The following NDUFB7 variants were observed in gnomAD, a reference collection of about 807,000 sequenced individuals.
The protein encoded by NDUFB7 is NADH:ubiquinone oxidoreductase subunit B7.
A neutral mutation model predicts 14.7 loss-of-function variants in NDUFB7; 18 were observed. The ratio of observed to expected loss-of-function variants is 1.22; its 90% CI spans 0.85 to 1.81. NDUFB7 has a LOEUF of 1.81. NDUFB7 is among the 40% of genes most tolerant of loss of function. NDUFB7 has a pLI of 0.00. For synonymous variants in NDUFB7, 86 were observed against 76.1 expected (o/e 1.13, Z -0.68); for missense variants, 219 against 195.0 (o/e 1.12, Z -0.73).
At position 14,566,277 on chromosome 19, in the gene NDUFB7, G is replaced by A; in HGVS notation, c.282-12C>T. The stretch of plus-strand genomic sequence containing the variant: ...TGCGCATCACATAGCTGGGGGAAAA[G>A]CACGAGAGGGGCTGTCAGGGTCCCT... On this transcript the variant is annotated splice_polypyrimidine_tract_variant and intron_variant, in intron 2 of 2. Coordinates refer to ENST00000215565, the MANE Select transcript of NDUFB7 (RefSeq NM_004146.6). The A allele has an allele frequency of 1.2e-6, 2 of 1,613,748 alleles. No homozygotes were observed. Among genetic ancestry groups the A allele is most frequent in the Non-Finnish European group, 1.7e-6 (2 of 1,180,008 alleles).
intron 1 of NDUFB7, among the ~76,000 whole-genome samples, chr19:14,571,338 G>A (rs2074123905): frequency 1.3e-5 from 2 of 151,978 alleles, no homozygotes; most frequent in Admixed American, 1.3e-4. Context: ...ACTGACTTCT[G>A]CGATCCCAGC....
rs758082395 is a variant in NDUFB7, at chr19:14,566,083, G to A, written c.*50C>T. 2.0e-5 allele frequency: 32 copies of A among 1,573,874 alleles called. No homozygotes were observed. In the Admixed American group the frequency reaches 4.8e-4, roughly 24 times the overall value. On this transcript the variant is annotated 3_prime_UTR_variant, in exon 3 of 3. Transcript: ENST00000215565. ...GCAGTAAGAGGGGACTCTGGTTGAG[G>A]GGCCTGAAGGCTTTTATTTGACTGG...
At position 14,567,860 on chromosome 19, in the gene NDUFB7, C is replaced by T. The variant is rs1274197393; in HGVS notation, c.113-927G>A. Among the ~76,000 whole-genome samples, 1 of 152,186 alleles carries T rather than the reference C, an allele frequency of 6.6e-6. No homozygotes were observed. The highest frequency in any genetic ancestry group is 2.4e-5 in the African/African-American group (1 of 41,446). On this transcript the variant is annotated intron_variant, in intron 1 of 2. Transcript: ENST00000215565. This position sits in a 1 kb window ranked among gnomAD's most constrained non-coding sequence, Gnocchi z 5.1. ...GAGGCCCAGGTCCTCCTCTCCTGCC[C>T]CTTGTCCCATTCCCTGGCTTCTGCC...
In NDUFB7 at chr19:14,572,024, G is replaced by A. The variant is rs763511127; in HGVS notation, c.-24C>T. Reference sequence around the variant, plus strand: ...ATGGCTGCAGTCGCTGCAGATCCCTGCAGCAGCCGAGGGTCACCTAGCTCC... The same window carrying A: ...ATGGCTGCAGTCGCTGCAGATCCCTACAGCAGCCGAGGGTCACCTAGCTCC... On this transcript the variant is annotated 5_prime_UTR_variant, in exon 1 of 3. Coordinates refer to ENST00000215565, the MANE Select transcript of NDUFB7 (RefSeq NM_004146.6). 2.6e-6 allele frequency: 4 copies of A among 1,554,132 alleles called. No individual in the cohort carries two copies. The highest frequency in any genetic ancestry group is 1.4e-5 in the African/African-American group (1 of 73,760).
At chr19:14,569,873 G>A (rs1273458331) in intron 1 of NDUFB7, among the ~76,000 whole-genome samples, 2 of 152,108 alleles carry the variant, frequency 1.3e-5, no homozygotes, top group Non-Finnish European at 2.9e-5. Context: ...CCCTACTCAT[G>A]CCCCTTCACA....
At chr19:14,571,156 C>T (rs1342829474) in intron 1 of NDUFB7, among the ~76,000 whole-genome samples, 1 of 152,090 alleles carries the variant, frequency 6.6e-6, no homozygotes, top group Non-Finnish European at 1.5e-5. Context: ...GATCCCGTCT[C>T]AAAGCAAAAC....
chr19:14,568,657 G>A (rs577265771), intron 1 of NDUFB7, among the ~76,000 whole-genome samples: 2 of 152,304 alleles, frequency 1.3e-5, no homozygotes, highest in South Asian at 2.1e-4. Context: ...GCACCACAGC[G>A]TGTCTGGCAG....
rs2074095245 is a variant in NDUFB7, at chr19:14,567,041, T to TC, written c.113-109dup. The TC allele has an allele frequency of 8.7e-7, 1 of 1,156,056 alleles. No individual in the cohort carries two copies. 71.6% of individuals were successfully genotyped at this position (1,156,056 alleles called of 1,614,324 possible). On this transcript the variant is annotated intron_variant, in intron 1 of 2. Transcript: ENST00000215565. The surrounding 1 kb of genome is among the most constrained non-coding windows in gnomAD (Gnocchi z 5.1). ...CTTCAGGAAGGCACGGCTTGGGGTGTCCCCCATTCACATCCAGATGGCAGT... is the reference window on the plus strand; with the variant it reads ...CTTCAGGAAGGCACGGCTTGGGGTGTCCCCCCATTCACATCCAGATGGCAGT...
chr19:14,567,843 G>A lies in NDUFB7; in HGVS notation c.113-910C>T, dbSNP rs2146642440. Among the ~76,000 whole-genome samples the A allele has an allele frequency of 6.6e-6, 1 of 152,228 alleles. No individual in the cohort carries two copies. Among genetic ancestry groups the A allele is most frequent in the African/African-American group, 2.4e-5 (1 of 41,538 alleles). On this transcript the variant is annotated intron_variant, in intron 1 of 2. Transcript: ENST00000215565. This position sits in a 1 kb window ranked among gnomAD's most constrained non-coding sequence, Gnocchi z 5.1. Reference sequence around the variant, plus strand: ...GATTCTCTCATCCCACTGAGGCCCAGGTCCTCCTCTCCTGCCCCTTGTCCC... The same window carrying A: ...GATTCTCTCATCCCACTGAGGCCCAAGTCCTCCTCTCCTGCCCCTTGTCCC...
At chr19:14,569,709 A>T (rs568537410) in intron 1 of NDUFB7, among the ~76,000 whole-genome samples, 1 of 152,206 alleles carries the variant, frequency 6.6e-6, no homozygotes, top group East Asian at 1.9e-4. Flanking sequence ...TGATTATACC[A>T]TCTCCCAACT....
chr19:14,566,858 AGGT>A lies in NDUFB7; in HGVS notation c.185_187del (p.His62del). On this transcript the variant is annotated inframe_deletion, in exon 2 of 3. Coordinates refer to ENST00000215565, the MANE Select transcript of NDUFB7 (RefSeq NM_004146.6). ...ACGCTTGCACTTGAGCAGCCGGATG[AGGT>A]GGTGGGCGCAGTAGTCCCGCAGCTG... 1.3e-6 allele frequency: 2 copies of A among 1,570,692 alleles called. No homozygotes were observed. Among genetic ancestry groups the A allele is most frequent in the South Asian group, 1.2e-5 (1 of 86,034 alleles).
At position 14,566,231 on chromosome 19, in the gene NDUFB7, G is replaced by C. The variant is rs3752220; in HGVS notation, c.316C>G (p.Arg106Gly). Residue 106 changes from arginine to glycine, a missense_variant, in exon 3 of 3, where the codon CGG becomes GGG. Transcript: ENST00000215565. ...CGCTTCTTCCGCTGGAGCAGCCTCCGCTCCCGCTCAAACTCCTTCATGCGC... is the reference window on the plus strand; with the variant it reads ...CGCTTCTTCCGCTGGAGCAGCCTCCCCTCCCGCTCAAACTCCTTCATGCGC... Reference protein sequence around the residue: ...VMRMKEFERERRLLQRKKRRE... With the variant: ...VMRMKEFEREGRLLQRKKRRE... 367 of 1,614,054 alleles carry C rather than the reference G, an allele frequency of 2.3e-4. No individual in the cohort carries two copies. The East Asian group carries it at 7.9e-3, about 35-fold the overall frequency.
chr19:14,566,938 A>G lies in NDUFB7; in HGVS notation c.113-5T>C. 6.3e-7 allele frequency: 1 copy of G among 1,577,372 alleles called. No homozygotes were observed. The highest frequency in any genetic ancestry group is 8.6e-7 in the Non-Finnish European group (1 of 1,166,268). On this transcript the variant is annotated splice_region_variant and splice_polypyrimidine_tract_variant and intron_variant, in intron 1 of 2. Coordinates refer to ENST00000215565, the MANE Select transcript of NDUFB7 (RefSeq NM_004146.6). ...CCTGCTGTGTGGCCACCATCTCTGCAGGGAGTGGGCGGGGCTCAACCAGGC... is the reference window on the plus strand; with the variant it reads ...CCTGCTGTGTGGCCACCATCTCTGCGGGGAGTGGGCGGGGCTCAACCAGGC...
chr19:14,567,842 A>G lies in NDUFB7; in HGVS notation c.113-909T>C, dbSNP rs2074102363. 6.6e-6 allele frequency among the ~76,000 whole-genome samples: 1 copy of G among 152,058 alleles called. No individual in the cohort carries two copies. The highest frequency in any genetic ancestry group is 6.6e-5 in the Admixed American group (1 of 15,254). On this transcript the variant is annotated intron_variant, in intron 1 of 2. Coordinates refer to ENST00000215565, the MANE Select transcript of NDUFB7 (RefSeq NM_004146.6). This position sits in a 1 kb window ranked among gnomAD's most constrained non-coding sequence, Gnocchi z 5.1. ...CGATTCTCTCATCCCACTGAGGCCCAGGTCCTCCTCTCCTGCCCCTTGTCC... is the reference window on the plus strand; with the variant it reads ...CGATTCTCTCATCCCACTGAGGCCCGGGTCCTCCTCTCCTGCCCCTTGTCC...
At chr19:14,568,583 C>G (rs902802910) in intron 1 of NDUFB7, among the ~76,000 whole-genome samples, 1 of 152,150 alleles carries the variant, frequency 6.6e-6, no homozygotes, top group Non-Finnish European at 1.5e-5. Context: ...GGGGATACAG[C>G]AGGCAACACA....
chr19:14,568,384 A>C (rs1007315115), intron 1 of NDUFB7, among the ~76,000 whole-genome samples: 1 of 152,052 alleles, frequency 6.6e-6, no homozygotes, highest in African/African-American at 2.4e-5. Flanking sequence ...TATGTAGATG[A>C]GCCCGATGTG....
chr19:14,566,990 G>A, intron 1 of NDUFB7, 57 bp from the exon 2 acceptor site: 1 of 1,504,268 alleles, frequency 6.6e-7, no homozygotes, highest in Non-Finnish European at 8.9e-7. Flanking sequence ...CAATTCCGGG[G>A]ATCCCCAGGG....
Position 14,567,001 on chromosome 19 carries a change from G to T in NDUFB7, c.113-68C>A. On this transcript the variant is annotated intron_variant, in intron 1 of 2. Coordinates refer to ENST00000215565, the MANE Select transcript of NDUFB7 (RefSeq NM_004146.6). The surrounding 1 kb of genome is among the most constrained non-coding windows in gnomAD (Gnocchi z 5.1). ...ACCCCAATTCCGGGGATCCCCAGGG[G>T]ACCGAGGCACACGGCTTCAGGAAGG... 3 of 1,475,730 alleles carry T rather than the reference G, an allele frequency of 2.0e-6. No homozygotes were observed. The highest frequency in any genetic ancestry group is 2.7e-6 in the Non-Finnish European group (3 of 1,103,976). 91.4% of individuals were successfully genotyped at this position (1,475,730 alleles called of 1,614,324 possible).
chr19:14,571,119 C>T lies in NDUFB7; in HGVS notation c.112+770G>A, dbSNP rs530706864. Among the ~76,000 whole-genome samples, 14 of 151,806 alleles carry T rather than the reference C, an allele frequency of 9.2e-5. No individual in the cohort carries two copies. The South Asian group carries it at 2.7e-3, about 29-fold the overall frequency. On this transcript the variant is annotated intron_variant, in intron 1 of 2. Coordinates refer to ENST00000215565, the MANE Select transcript of NDUFB7 (RefSeq NM_004146.6). ...GATGCAATGAGCTGTGATTGTGCCACTACACTCAGCCTGGGCAACAGAGCA... is the reference window on the plus strand; with the variant it reads ...GATGCAATGAGCTGTGATTGTGCCATTACACTCAGCCTGGGCAACAGAGCA...
Sources: allele counts gnomAD v4.1 joint callset (sites outside exome capture counted in the v4.1 genomes callset), GRCh38; gene constraint gnomAD v4.1.1; non-coding constraint Gnocchi (gnomAD v3.1); transcripts MANE v1.5; gene names NCBI Gene and HGNC (gene_info 2026-07-23, HGNC 2026-07-21).